The following CCT2 variants were observed in gnomAD, a reference collection of about 807,000 sequenced individuals.
CCT2 encodes the protein chaperonin containing TCP1 subunit 2.
Under a neutral mutation model 61.8 loss-of-function variants are expected in CCT2, and 18 were observed. The observed-to-expected ratio is 0.29, with a 90% CI of 0.20 to 0.43. The LOEUF (loss-of-function observed/expected upper bound fraction) is 0.43, where lower values mean the gene tolerates loss of function less well. Ranked by LOEUF, CCT2 falls within the 20% of genes least tolerant of loss-of-function variation. The pLI is 1.00. For missense variants in CCT2, 556 were observed against 656.9 expected (o/e 0.85, Z 1.68); for synonymous variants, 248 against 215.9 (o/e 1.15, Z -1.30).
At chr12:69,586,014 G>C in intron 1 of CCT2, 1 of 1,364,184 alleles carries the variant, frequency 7.3e-7, no homozygotes. Flanking sequence ...CTCGCTGTAC[G>C]TAACTGTCAA....
At chr12:69,586,968 C>T in intron 3 of CCT2, 150 bp downstream of exon 3, 1 of 520,912 alleles carries the variant, frequency 1.9e-6, no homozygotes, top group Non-Finnish European at 3.3e-6. Context: ...TCAGAGTCCC[C>T]AGAATCACCA....
chr12:69,601,488 CCGT>C lies in CCT2; in HGVS notation c.*164_*166del. The C allele has an allele frequency of 2.7e-6, 4 of 1,488,586 alleles. No individual in the cohort carries two copies. Among genetic ancestry groups the C allele is most frequent in the Non-Finnish European group, 2.7e-6 (3 of 1,118,830 alleles). The allele number at this position is 1,488,586 out of a possible 1,614,324, so 92.2% of individuals were successfully genotyped here. On this transcript the variant is annotated 3_prime_UTR_variant, in exon 16 of 16. Coordinates refer to ENST00000299300, the MANE Select transcript of CCT2 (RefSeq NM_006431.3). ...CTTTAACATAGGTCTAATTTATTTG[CCGT>C]GTCATTTTCCATACAAATCAGTTGA...
chr12:69,599,308 G>A (rs1763808170), intron 14 of CCT2, among the ~76,000 whole-genome samples: 1 of 152,086 alleles, frequency 6.6e-6, no homozygotes, highest in Non-Finnish European at 1.5e-5. Context: ...GTTCAGGCTG[G>A]CCTCAAGCAA....
chr12:69,594,382 T>A (rs925997094), intron 10 of CCT2, among the ~76,000 whole-genome samples: 8 of 152,228 alleles, frequency 5.3e-5, no homozygotes, highest in Non-Finnish European at 1.0e-4. Flanking sequence ...GAAACATTGC[T>A]TTTGTTAATT....
chr12:69,585,753 C>T, intron 1 of CCT2: 2 of 1,432,788 alleles, frequency 1.4e-6, no homozygotes, highest in East Asian at 2.5e-5. Flanking sequence ...GTGCCTAGGT[C>T]TTTGCATAGT....
intron 12 of CCT2, 44 bp downstream of exon 12, chr12:69,597,810 G>A: frequency 6.4e-7 from 1 of 1,555,662 alleles, no homozygotes; most frequent in Non-Finnish European, 8.8e-7. Context: ...ATTTCTTAAA[G>A]TACAATATAA....
At chr12:69,585,874 G>T in intron 1 of CCT2, 1 of 1,294,566 alleles carries the variant, frequency 7.7e-7, no homozygotes, top group Non-Finnish European at 9.8e-7. Flanking sequence ...TGAGCCATCA[G>T]AGGGTGGAGG....
At position 69,589,488 on chromosome 12, in the gene CCT2, C is replaced by T. The variant is rs779126817; in HGVS notation, c.450C>T (p.Ser150=). ...ALLSSAVDHG[S]DEVKFRQDLM... is the part of the protein sequence containing the mutation. ...ATATTTGGTTGGTTTTATTTAGTTC[C>T]GATGAAGTTAAATTCCGTCAAGATT... The change falls in exon 7 of 16, where the codon TCC becomes TCT. Residue 150 remains serine (S), a synonymous_variant. Transcript: ENST00000299300. 24 of 1,613,044 alleles carry T rather than the reference C, an allele frequency of 1.5e-5. No homozygotes were observed. Among genetic ancestry groups the T allele is most frequent in the Admixed American group, 3.3e-5 (2 of 59,986 alleles).
chr12:69,597,376 C>A, intron 11 of CCT2, 101 bp downstream of exon 11: 1 of 1,371,264 alleles, frequency 7.3e-7, no homozygotes, highest in Non-Finnish European at 1.0e-6. Flanking sequence ...TCTTACAAGT[C>A]TTAACTCTTC....
At chr12:69,585,737 C>T (rs2601006) in intron 1 of CCT2, 518,144 of 1,449,638 alleles carry the variant, frequency 0.36, 95,150 homozygotes, top group South Asian at 0.51. Flanking sequence ...AAGCCAGCGT[C>T]TCCTTGTGCC....
intron 7 of CCT2, among the ~76,000 whole-genome samples, chr12:69,590,183 T>C (rs1461554775): frequency 6.6e-6 from 1 of 152,138 alleles, no homozygotes; most frequent in Non-Finnish European, 1.5e-5. Context: ...GGATGGAAAA[T>C]GCAGTATTTG....
intron 11 of CCT2, 144 bp from the exon 12 acceptor site, chr12:69,597,494 C>T: frequency 9.6e-7 from 1 of 1,037,870 alleles, no homozygotes; most frequent in East Asian, 2.4e-5. Flanking sequence ...TAACTTAGAA[C>T]CATTATGAGC....
Position 69,592,173 on chromosome 12 carries a change from C to G in CCT2, c.750+14C>G, listed in dbSNP as rs767845170. On this transcript the variant is annotated intron_variant, in intron 8 of 15. Transcript: ENST00000299300. ...GACAAAATAAAGGTATGTAACTCTA[C>G]TTTTTAAAAATTAAAATTACTGCCC... 1 of 1,433,856 alleles carries G rather than the reference C, an allele frequency of 7.0e-7. No individual in the cohort carries two copies. Among genetic ancestry groups the G allele is most frequent in the Non-Finnish European group, 9.8e-7 (1 of 1,022,936 alleles). The allele number at this position is 1,433,856 out of a possible 1,614,324, so 88.8% of individuals were successfully genotyped here. A position where few individuals can be genotyped will look rare whatever the true frequency, so the allele number is the denominator to read the frequency against.
At chr12:69,586,123 C>T (rs1881646181) in intron 1 of CCT2, 147 bp from the exon 2 acceptor site, 1 of 1,135,938 alleles carries the variant, frequency 8.8e-7, no homozygotes, top group African/African-American at 1.6e-5. Context: ...ATGCTTTCTC[C>T]GATGATGGAA....
intron 10 of CCT2, among the ~76,000 whole-genome samples, chr12:69,593,954 A>G (rs1881911119): frequency 1.3e-5 from 2 of 151,398 alleles, no homozygotes; most frequent in Admixed American, 6.6e-5. Flanking sequence ...CTTTGGCAAC[A>G]TTGCGAACCC....
chr12:69,592,586 T>C (rs1410694433), intron 8 of CCT2: 3 of 190,886 alleles, frequency 1.6e-5, no homozygotes, highest in Admixed American at 5.5e-5. Context: ...TATACACATA[T>C]ATATACGTTG....
intron 14 of CCT2, 109 bp downstream of exon 14, chr12:69,598,530 T>C (rs1882059274): frequency 3.5e-6 from 2 of 564,016 alleles, no homozygotes; most frequent in East Asian, 3.1e-5. Flanking sequence ...TAAAAGACTC[T>C]TTTGGACTTT....
chr12:69,590,073 A>T (rs1881788267), intron 7 of CCT2, among the ~76,000 whole-genome samples: 1 of 152,244 alleles, frequency 6.6e-6, no homozygotes, highest in Non-Finnish European at 1.5e-5. Flanking sequence ...TTGACCATTG[A>T]ACAACATGGG....
Position 69,587,502 on chromosome 12 carries a change from T to G in CCT2, c.145-3T>G, listed in dbSNP as rs1881701017. 6.4e-7 allele frequency: 1 copy of G among 1,568,482 alleles called. No homozygotes were observed. ...TAACTTGAACCAATTATGTTCCCTT[T>G]AGGACAAAATTCTTCTAAGCAGTGG... On this transcript the variant is annotated splice_region_variant and splice_polypyrimidine_tract_variant and intron_variant, in intron 3 of 15. Transcript: ENST00000299300.
Sources: gnomAD v4.1 joint callset for allele counts (sites outside exome capture counted in the v4.1 genomes callset) on GRCh38, gnomAD v4.1.1 for gene constraint, MANE v1.5 for transcripts, NCBI Gene and HGNC (gene_info 2026-07-23, HGNC 2026-07-21) for gene names.